CAST: variants seen among roughly 807,000 people sequenced by gnomAD.
CAST encodes MIR583 host.
A neutral mutation model predicts 119.6 loss-of-function variants in CAST; 76 were observed. That is an observed-to-expected ratio of 0.64 (90% confidence interval 0.53 to 0.77). CAST has a LOEUF of 0.77. CAST is among the 30% of genes least tolerant of loss of function. The pLI is 0.00. For synonymous variants in CAST, 319 were observed against 331.6 expected (o/e 0.96, Z 0.41); for missense variants, 953 against 946.5 (o/e 1.01, Z -0.09).
At chr5:96,623,305 A>T (rs1382829571) in intron 1 of CAST, among the ~76,000 whole-genome samples, 1 of 152,156 alleles carries the variant, frequency 6.6e-6, no homozygotes, top group Non-Finnish European at 1.5e-5. Context: ...GTGAACATTA[A>T]AGCCACCTGC....
chr5:96,583,719 T>C (rs189832878), intron 1 of CAST, among the ~76,000 whole-genome samples: 98 of 152,148 alleles, frequency 6.4e-4, no homozygotes, highest in African/African-American at 2.1e-3. Flanking sequence ...AACAGAAAAA[T>C]AGAGGGGGAG....
intron 2 of CAST, among the ~76,000 whole-genome samples, chr5:96,694,020 A>G (rs1022642375): frequency 6.6e-6 from 1 of 152,176 alleles, no homozygotes; most frequent in Admixed American, 6.5e-5. Flanking sequence ...TGCTTTGAGG[A>G]CAGCAAACTA....
chr5:96,166,947 C>G, the CAST span, among the ~76,000 whole-genome samples: 479 of 152,096 alleles, frequency 3.1e-3, 1 homozygote, highest in Non-Finnish European at 3.8e-3. Context: ...GGATTACGAG[C>G]GGCTTGGGAA....
the CAST span, among the ~76,000 whole-genome samples, chr5:96,255,468 G>A: frequency 2.6e-5 from 4 of 152,092 alleles, no homozygotes; most frequent in African/African-American, 7.2e-5. Context: ...CAGCAATGAC[G>A]ATGAATTTTA....
the CAST span, among the ~76,000 whole-genome samples, chr5:96,133,243 G>A: frequency 6.6e-6 from 1 of 151,930 alleles, no homozygotes; most frequent in African/African-American, 2.4e-5. Context: ...ATCCACTCTG[G>A]CTTAAAGACC....
the CAST span, among the ~76,000 whole-genome samples, chr5:96,399,265 C>T: frequency 2.6e-5 from 4 of 152,074 alleles, no homozygotes; most frequent in African/African-American, 9.7e-5. Flanking sequence ...GAGTCAAATT[C>T]AGGCAGATTT....
the CAST span, among the ~76,000 whole-genome samples, chr5:96,211,820 T>C: frequency 6.6e-6 from 1 of 152,072 alleles, no homozygotes; most frequent in Non-Finnish European, 1.5e-5. Flanking sequence ...TTAATAGTTA[T>C]TGTACTACAC....
At chr5:96,157,477 C>G in the CAST span, among the ~76,000 whole-genome samples, 1 of 152,226 alleles carries the variant, frequency 6.6e-6, no homozygotes, top group African/African-American at 2.4e-5. Flanking sequence ...CAAAAGTATA[C>G]TCACTGGCAC....
the CAST span, among the ~76,000 whole-genome samples, chr5:96,157,158 G>A: frequency 6.6e-6 from 1 of 152,198 alleles, no homozygotes; most frequent in South Asian, 2.1e-4. Context: ...TGTATTCCCT[G>A]TTTTTAATAC....
At chr5:96,295,445 C>A in the CAST span, among the ~76,000 whole-genome samples, 2 of 152,156 alleles carry the variant, frequency 1.3e-5, no homozygotes, top group African/African-American at 4.8e-5. Flanking sequence ...TTGATAATGA[C>A]ATTGACAGTG....
At position 96,681,752 on chromosome 5, in the gene CAST, A is replaced by AG. The variant is rs1435802875; in HGVS notation, c.138+6151_138+6152insG. 7.9e-5 allele frequency among the ~76,000 whole-genome samples: 12 copies of AG among 151,554 alleles called. 2 individuals carry two copies. The South Asian group carries it at 2.3e-3, about 29-fold the overall frequency. On this transcript the variant is annotated intron_variant, in intron 2 of 31. Coordinates refer to ENST00000675179, the MANE Select transcript of CAST (RefSeq NM_001750.7). Reference sequence around the variant, plus strand: ...CGTCTCAAAAAAAAAAAAAAAAAAAAATACTACCAGGATGTACTTATATAT... The same window carrying AG: ...CGTCTCAAAAAAAAAAAAAAAAAAAAGATACTACCAGGATGTACTTATATAT...
chr5:96,574,454 C>T (rs562765572), intron 1 of CAST, among the ~76,000 whole-genome samples: 122 of 152,246 alleles, frequency 8.0e-4, no homozygotes, highest in South Asian at 1.9e-3. Context: ...ATTGAACATA[C>T]GGTCTGCTAA....
the CAST span, among the ~76,000 whole-genome samples, chr5:96,511,170 G>T: frequency 1.1e-4 from 16 of 152,102 alleles, no homozygotes; most frequent in African/African-American, 3.9e-4. Context: ...TTTTTAGACG[G>T]AATCTCGCTC....
chr5:96,480,761 C>G, the CAST span, among the ~76,000 whole-genome samples: 9 of 152,302 alleles, frequency 5.9e-5, no homozygotes, highest in East Asian at 1.5e-3. Flanking sequence ...TTAGGAAGAA[C>G]AGGGTGGTCT....
the CAST span, chr5:96,391,184 C>G: frequency 6.6e-6 from 1 of 152,194 alleles, no homozygotes; most frequent in African/African-American, 2.4e-5. Context: ...AGAACATTCT[C>G]TAAGCATTAC....
At chr5:96,489,865 C>A in the CAST span, among the ~76,000 whole-genome samples, 1 of 152,168 alleles carries the variant, frequency 6.6e-6, no homozygotes, top group South Asian at 2.1e-4. Context: ...TTATTAGTAC[C>A]ACTTAGTCTA....
the CAST span, among the ~76,000 whole-genome samples, chr5:96,469,857 ATG>A: frequency 8.7e-6 from 1 of 114,664 alleles, no homozygotes; most frequent in South Asian, 2.5e-4. Context: ...ATATATATAT[ATG>A]TGTGTGTATA....
intron 1 of CAST, among the ~76,000 whole-genome samples, chr5:96,538,386 C>T (rs1206358764): frequency 6.6e-6 from 1 of 152,148 alleles, no homozygotes; most frequent in Admixed American, 6.5e-5. Flanking sequence ...TTTTGCTTTT[C>T]TCATATTTAT....
At chr5:96,557,408 G>A (rs1375398044) in intron 1 of CAST, among the ~76,000 whole-genome samples, 1 of 152,012 alleles carries the variant, frequency 6.6e-6, no homozygotes, top group East Asian at 1.9e-4. Context: ...AAAAGACACA[G>A]ACTGGCAAAT....
Sources: gnomAD v4.1 joint callset for allele counts (sites outside exome capture counted in the v4.1 genomes callset) on GRCh38, gnomAD v4.1.1 for gene constraint, MANE v1.5 for transcripts, NCBI Gene and HGNC (gene_info 2026-07-23, HGNC 2026-07-21) for gene names.